Variants in SLIT3 observed in about 807,000 individuals in gnomAD.
SLIT3 encodes the protein slit homolog 3 protein.
SLIT3 carries 68 observed loss-of-function variants against 184.0 expected under a neutral mutation model. The observed-to-expected ratio is 0.37, with a 90% CI of 0.30 to 0.45. The LOEUF (loss-of-function observed/expected upper bound fraction) is 0.45, where lower values mean the gene tolerates loss of function less well. SLIT3 is among the 20% of genes least tolerant of loss of function. The pLI, the probability that SLIT3 is intolerant of heterozygous loss-of-function variation, is 1.00. For synonymous variants in SLIT3, 831 were observed against 828.6 expected (o/e 1.00, Z -0.05); for missense variants, 1,707 against 2,026.0 (o/e 0.84, Z 3.02).
chr5:169,161,127 AAC>A (rs1282567049), intron 4 of SLIT3, among the ~76,000 whole-genome samples: 1 of 152,146 alleles, frequency 6.6e-6, no homozygotes, highest in African/African-American at 2.4e-5. Flanking sequence ...ATCTAGGGAT[AAC>A]AGTTAAAATC....
intron 4 of SLIT3, among the ~76,000 whole-genome samples, chr5:168,995,071 A>T (rs1263916308): frequency 6.6e-6 from 1 of 152,274 alleles, no homozygotes; most frequent in East Asian, 1.9e-4. Flanking sequence ...CTTGCCTAAG[A>T]TCACACAATC....
At chr5:169,040,296 G>A (rs1292377823) in intron 4 of SLIT3, among the ~76,000 whole-genome samples, 1 of 152,016 alleles carries the variant, frequency 6.6e-6, no homozygotes, top group East Asian at 1.9e-4. Context: ...CTTTGAGATG[G>A]CATTGCTCAT....
chr5:169,061,459 C>T (rs1364729248), intron 4 of SLIT3, among the ~76,000 whole-genome samples: 1 of 152,190 alleles, frequency 6.6e-6, no homozygotes, highest in Non-Finnish European at 1.5e-5. Flanking sequence ...TAGGCAGAGG[C>T]CCAATAGCTG....
intron 4 of SLIT3, among the ~76,000 whole-genome samples, chr5:169,035,740 A>G (rs777824337): frequency 6.6e-6 from 1 of 152,080 alleles, no homozygotes; most frequent in Non-Finnish European, 1.5e-5. Context: ...AAGATGAGGC[A>G]TCTGAGGCCC....
At chr5:168,755,046 C>T (rs1754844749) in intron 16 of SLIT3, among the ~76,000 whole-genome samples, 1 of 152,342 alleles carries the variant, frequency 6.6e-6, no homozygotes, top group South Asian at 2.1e-4. Context: ...CTATTGTTGA[C>T]CACTTCTTAT....
At chr5:168,888,842 A>AAC (rs1760327280) in intron 4 of SLIT3, among the ~76,000 whole-genome samples, 1 of 152,200 alleles carries the variant, frequency 6.6e-6, no homozygotes, top group Non-Finnish European at 1.5e-5. Flanking sequence ...CTTTGGCCTG[A>AAC]ATATATATTA....
chr5:169,294,020 C>G (rs1767430965), intron 1 of SLIT3, among the ~76,000 whole-genome samples: 1 of 152,204 alleles, frequency 6.6e-6, no homozygotes, highest in African/African-American at 2.4e-5. Flanking sequence ...AGTGCCAGGG[C>G]ACCCTCTACA....
intron 4 of SLIT3, among the ~76,000 whole-genome samples, chr5:168,916,430 A>G (rs1761437225): frequency 6.6e-6 from 1 of 152,234 alleles, no homozygotes; most frequent in South Asian, 2.1e-4. Flanking sequence ...CCCAGAGAAG[A>G]CAGGTCCCAG....
intron 4 of SLIT3, among the ~76,000 whole-genome samples, chr5:168,966,203 G>A (rs1481112213): frequency 6.6e-6 from 1 of 152,172 alleles, no homozygotes; most frequent in Non-Finnish European, 1.5e-5. Context: ...TGAAACACTT[G>A]TAAGTCTCCC....
intron 14 of SLIT3, among the ~76,000 whole-genome samples, chr5:168,768,510 T>C (rs1755426305): frequency 6.6e-6 from 1 of 152,216 alleles, no homozygotes; most frequent in African/African-American, 2.4e-5. Context: ...GCATGGTTCC[T>C]TCCCAAGGAA....
At chr5:169,167,207 A>C (rs562889315) in intron 4 of SLIT3, among the ~76,000 whole-genome samples, 231 of 149,720 alleles carry the variant, frequency 1.5e-3, no homozygotes, top group African/African-American at 5.1e-3. Context: ...AACAAAAAAA[A>C]CCGATGATAT....
rs1214748677 is a variant in SLIT3, at chr5:169,204,391, G to C, written c.342-10841C>G. Among the ~76,000 whole-genome samples the C allele has an allele frequency of 2.0e-5, 3 of 152,286 alleles. No homozygotes were observed. In the East Asian group the frequency reaches 5.8e-4, roughly 29 times the overall value. Reference sequence around the variant, plus strand: ...AAATAAAAAGGAACAATGATGTTGAGACGTCCAAAATAAAGGAGGAGAGAA... The same window carrying C: ...AAATAAAAAGGAACAATGATGTTGACACGTCCAAAATAAAGGAGGAGAGAA... On this transcript the variant is annotated intron_variant, in intron 3 of 35. Transcript: ENST00000519560.
Position 168,818,974 on chromosome 5 carries a change from TATG to T in SLIT3, c.630-1514_630-1512del, listed in dbSNP as rs1445853709. 5.9e-5 allele frequency among the ~76,000 whole-genome samples: 9 copies of T among 152,380 alleles called. No individual in the cohort carries two copies. The East Asian group carries it at 1.7e-3, about 29-fold the overall frequency. ...TGCTAACAATTTTGAAAAAGACTTT[TATG>T]ATTTTGTTTCAAAAATAATTAATCT... On this transcript the variant is annotated intron_variant, in intron 7 of 35. Coordinates refer to ENST00000519560, the MANE Select transcript of SLIT3 (RefSeq NM_003062.4).
At chr5:168,798,131 A>G (rs1209180189) in intron 9 of SLIT3, among the ~76,000 whole-genome samples, 1 of 152,072 alleles carries the variant, frequency 6.6e-6, no homozygotes, top group African/African-American at 2.4e-5. Context: ...TTCCAGGCTT[A>G]GCCTGTTAAG....
intron 4 of SLIT3, among the ~76,000 whole-genome samples, chr5:168,949,309 A>G (rs1286264083): frequency 6.6e-6 from 1 of 152,214 alleles, no homozygotes; most frequent in African/African-American, 2.4e-5. Context: ...CTTTGCAGAC[A>G]GTCCAGGAGG....
At chr5:168,963,017 T>G (rs773201051) in intron 4 of SLIT3, among the ~76,000 whole-genome samples, 1 of 152,230 alleles carries the variant, frequency 6.6e-6, no homozygotes, top group Non-Finnish European at 1.5e-5. Flanking sequence ...TGATCATACA[T>G]GGTCATTATT....
intron 3 of SLIT3, among the ~76,000 whole-genome samples, chr5:169,211,013 A>G (rs1167510947): frequency 6.6e-6 from 1 of 152,134 alleles, no homozygotes. Context: ...GCTTGATCTC[A>G]TCTCTTATTT....
chr5:169,265,156 AAAAC>A (rs35338338), intron 1 of SLIT3, among the ~76,000 whole-genome samples: 213 of 151,030 alleles, frequency 1.4e-3, no homozygotes, highest in African/African-American at 4.4e-3. Context: ...TCCATGCTCA[AAAAC>A]AAACAAACAA....
chr5:168,979,130 C>A (rs531785393), intron 4 of SLIT3, among the ~76,000 whole-genome samples: 1 of 152,322 alleles, frequency 6.6e-6, no homozygotes, highest in East Asian at 1.9e-4. Flanking sequence ...CCTGGGAAAA[C>A]TGGACTCTCC....
Sources: allele counts gnomAD v4.1 joint callset (sites outside exome capture counted in the v4.1 genomes callset), GRCh38; gene constraint gnomAD v4.1.1; transcripts MANE v1.5; gene names NCBI Gene and HGNC (gene_info 2026-07-23, HGNC 2026-07-21).